The following FEZ1 variants were observed in gnomAD, a reference collection of about 807,000 sequenced individuals.
FEZ1 encodes the protein fasciculation and elongation protein zeta-1.
Under a neutral mutation model 49.3 loss-of-function variants are expected in FEZ1, and 20 were observed. The observed-to-expected ratio is 0.41, with a 90% CI of 0.29 to 0.59. The LOEUF is 0.59. Ranked by LOEUF, FEZ1 falls within the 20% of genes least tolerant of loss-of-function variation. The probability of loss-of-function intolerance (pLI) is 0.36; values close to 1 mark genes in which losing one functional copy is unlikely to be tolerated. For synonymous variants in FEZ1, 170 were observed against 180.9 expected, an observed-to-expected ratio of 0.94 and a Z score of 0.48; for missense variants, 413 against 476.0, an observed-to-expected ratio of 0.87 and a Z score of 1.23.
intron 3 of FEZ1, among the ~76,000 whole-genome samples, chr11:125,475,742 T>TA (rs145353093): frequency 2.1e-4 from 30 of 143,260 alleles, no homozygotes; most frequent in East Asian, 2.0e-4. Flanking sequence ...AAATAAAAGC[T>TA]AAAAAAAAAA....
intron 3 of FEZ1, among the ~76,000 whole-genome samples, chr11:125,468,095 A>G (rs756657907): frequency 1.3e-5 from 2 of 152,240 alleles, no homozygotes; most frequent in Non-Finnish European, 2.9e-5. Flanking sequence ...TTATTTATTC[A>G]CCAAGTTCCT....
intron 9 of FEZ1, among the ~76,000 whole-genome samples, chr11:125,447,981 G>A (rs1956913456): frequency 6.6e-6 from 1 of 152,180 alleles, no homozygotes; most frequent in African/African-American, 2.4e-5. Flanking sequence ...CATGGGAGGG[G>A]AGAAGTTGGG....
chr11:125,460,412 A>T, intron 5 of FEZ1, 86 bp downstream of exon 5: 1 of 1,206,946 alleles, frequency 8.3e-7, no homozygotes, highest in Non-Finnish European at 1.2e-6. Flanking sequence ...TCAGGGTTCT[A>T]TTAGCCATGT....
intron 9 of FEZ1, among the ~76,000 whole-genome samples, chr11:125,446,349 C>A (rs752398428): frequency 6.6e-6 from 1 of 152,196 alleles, no homozygotes. Flanking sequence ...AACTACATGA[C>A]CTTAGGGAAA....
chr11:125,463,634 T>A (rs1957095979), intron 3 of FEZ1, 64 bp from the exon 4 acceptor site: 2 of 962,192 alleles, frequency 2.1e-6, no homozygotes, highest in African/African-American at 1.6e-5. Flanking sequence ...TTGCCTCTAG[T>A]CTCGAGAATG....
intron 5 of FEZ1, among the ~76,000 whole-genome samples, chr11:125,459,822 C>G (rs528134031): frequency 2.0e-5 from 3 of 152,272 alleles, no homozygotes; most frequent in African/African-American, 7.2e-5. Flanking sequence ...TAAGGCCAGG[C>G]GCAGTGGCTC....
At chr11:125,491,736 C>T (rs1165295389) in intron 1 of FEZ1, among the ~76,000 whole-genome samples, 1 of 152,170 alleles carries the variant, frequency 6.6e-6, no homozygotes, top group Non-Finnish European at 1.5e-5. Flanking sequence ...AAGAACACTG[C>T]CAGTTTGTAC....
intron 2 of FEZ1, among the ~76,000 whole-genome samples, chr11:125,488,033 T>C (rs1206399592): frequency 6.7e-6 from 1 of 150,086 alleles, no homozygotes; most frequent in Non-Finnish European, 1.5e-5. Flanking sequence ...TCCCTGACGT[T>C]TGACATTTCT....
chr11:125,495,422 C>T lies in FEZ1; in HGVS notation c.-46+699G>A, dbSNP rs1260584329. ...GCCGTCAAACACTGCTCCCCGCATT[C>T]CAGAGCCCGGGGCCCACCCGACGGC... On this transcript the variant is annotated intron_variant, in intron 1 of 9. Transcript: ENST00000278919. The surrounding 1 kb of genome is among the most constrained non-coding windows in gnomAD (Gnocchi z 4.2). 4.2e-6 allele frequency: 2 copies of T among 470,784 alleles called. No homozygotes were observed. Among genetic ancestry groups the T allele is most frequent in the African/African-American group, 4.0e-5 (2 of 50,094 alleles). The allele number at this position is 470,784 out of a possible 1,614,324, so 29.2% of individuals were successfully genotyped here.
rs952362006 is a variant in FEZ1, at chr11:125,452,317, G to A, written c.1096+17C>T. The A allele has an allele frequency of 7.0e-6, 11 of 1,565,164 alleles. No homozygotes were observed. The highest frequency in any genetic ancestry group is 2.2e-5 in the South Asian group (2 of 90,146). ...AAAAAGGAGCCACTGATCTGGCTGA[G>A]AACAAGAGGAACTCACTGTTTGTCA... On this transcript the variant is annotated intron_variant, in intron 8 of 9. Coordinates refer to ENST00000278919, the MANE Select transcript of FEZ1 (RefSeq NM_005103.5).
chr11:125,456,330 A>C (rs999092505), intron 5 of FEZ1: 2 of 431,718 alleles, frequency 4.6e-6, no homozygotes, highest in Non-Finnish European at 8.1e-6. Context: ...GAAACAAAGG[A>C]GGAAGAAGAA....
intron 9 of FEZ1, 58 bp from the exon 10 acceptor site, chr11:125,446,169 C>T (rs763524817): frequency 1.3e-5 from 20 of 1,578,830 alleles, no homozygotes; most frequent in Non-Finnish European, 1.6e-5. Flanking sequence ...GTGGGGACCT[C>T]CGAGCCCTGG....
chr11:125,463,325 GA>G (rs1306569721), intron 4 of FEZ1, 158 bp downstream of exon 4: 4 of 535,538 alleles, frequency 7.5e-6, no homozygotes, highest in Non-Finnish European at 1.3e-5. Context: ...TATATATAAA[GA>G]AAAAAAAGAA....
intron 5 of FEZ1, among the ~76,000 whole-genome samples, chr11:125,457,521 T>TGTGTATATATACAC: frequency 7.0e-6 from 1 of 142,696 alleles, no homozygotes; most frequent in East Asian, 2.0e-4. Flanking sequence ...CACATATATA[T>TGTGTATATATACAC]AATTTGAAAA....
intron 5 of FEZ1, among the ~76,000 whole-genome samples, chr11:125,457,403 TAAAAAAAAAAAA>T (rs141594971): frequency 1.2e-3 from 41 of 35,120 alleles, no homozygotes; most frequent in South Asian, 9.3e-3. Flanking sequence ...GTTTCTACTT[TAAAAAAAAAAAA>T]AAAAAAAAAA....
In FEZ1 at chr11:125,493,485, A is replaced by AGAAG. The variant is rs774070356; in HGVS notation, c.-46+2632_-46+2635dup. On this transcript the variant is annotated intron_variant, in intron 1 of 9. Coordinates refer to ENST00000278919, the MANE Select transcript of FEZ1 (RefSeq NM_005103.5). ...AAGAAGGAAAGAAGGAAAGAAGGAA[A>AGAAG]GAAGGAAAGAAAGAAAGAAAGAGAG... Among the ~76,000 whole-genome samples the AGAAG allele has an allele frequency of 2.8e-5, 2 of 72,478 alleles. 1 individual carries two copies. The highest frequency in any genetic ancestry group is 7.3e-4 in the East Asian group (2 of 2,748). The allele number at this position is 72,478 out of a possible 152,430, so 47.5% of individuals were successfully genotyped here. A position where few individuals can be genotyped will look rare whatever the true frequency, so the allele number is the denominator to read the frequency against.
intron 3 of FEZ1, among the ~76,000 whole-genome samples, chr11:125,474,189 T>A (rs1472765252): frequency 9.8e-6 from 1 of 101,834 alleles, no homozygotes; most frequent in African/African-American, 3.5e-5. Flanking sequence ...CATGCCAGGC[T>A]AATTTTTTTT....
chr11:125,484,511 C>A (rs941814923), intron 2 of FEZ1, among the ~76,000 whole-genome samples: 1 of 152,030 alleles, frequency 6.6e-6, no homozygotes, highest in Non-Finnish European at 1.5e-5. Flanking sequence ...ACTGGCTCTG[C>A]GTGAAAATTA....
At chr11:125,460,735 A>G (rs1957067294) in intron 4 of FEZ1, 69 bp from the exon 5 acceptor site, 1 of 1,426,378 alleles carries the variant, frequency 7.0e-7, no homozygotes, top group Non-Finnish European at 9.7e-7. Flanking sequence ...TTGAATTTTG[A>G]TCAGTTAAGG....
Sources: gnomAD v4.1 joint callset for allele counts (sites outside exome capture counted in the v4.1 genomes callset) on GRCh38, gnomAD v4.1.1 for gene constraint, Gnocchi (gnomAD v3.1) non-coding constraint, MANE v1.5 for transcripts, NCBI Gene and HGNC (gene_info 2026-07-23, HGNC 2026-07-21) for gene names.